The following ANKRD24 variants were observed in gnomAD, a reference collection of about 807,000 sequenced individuals.
ANKRD24 encodes ankyrin repeat domain 24.
ANKRD24 carries 109 observed loss-of-function variants against 127.8 expected under a neutral mutation model. The observed-to-expected ratio is 0.85, with a 90% CI of 0.73 to 1.00. The LOEUF (loss-of-function observed/expected upper bound fraction) is 1.00, where lower values mean the gene tolerates loss of function less well. ANKRD24 is among the 50% of genes least tolerant of loss of function. ANKRD24 has a pLI of 0.00. For synonymous variants in ANKRD24, 743 were observed against 671.1 expected (o/e 1.11, Z -1.66); for missense variants, 1,648 against 1,570.2 (o/e 1.05, Z -0.84).
chr19:4,210,359 G>A lies in ANKRD24; in HGVS notation c.1046G>A (p.Arg349Gln), dbSNP rs12978469. 959,619 of 1,561,852 alleles carry A rather than the reference G, an allele frequency of 0.61. 295,408 individuals carry two copies. Among genetic ancestry groups the A allele is most frequent in the East Asian group, 0.68 (28,430 of 42,034 alleles). ...CGGGGCCTGGAACAGCACAAGGAAC[G>A]GAGGCAGCAGGAGGTTAGGAGGCCT... ...KIRGLEQHKE[R>Q]RQQESPEASS... The change falls in exon 13 of 22, where the codon CGG (arginine) becomes CAG (glutamine). Residue 349 changes from arginine (R) to glutamine (Q), a missense_variant. Coordinates refer to ENST00000318934, the MANE Select transcript of ANKRD24 (RefSeq NM_001393985.1).
intron 7 of ANKRD24, among the ~76,000 whole-genome samples, chr19:4,206,643 G>T (rs1333746266): frequency 2.6e-5 from 4 of 151,874 alleles, no homozygotes; most frequent in Non-Finnish European, 4.4e-5. Flanking sequence ...AAAGTATAGG[G>T]AACCACAGTG....
chr19:4,192,413 G>C (rs981652891), intron 2 of ANKRD24, among the ~76,000 whole-genome samples: 3 of 145,084 alleles, frequency 2.1e-5, no homozygotes, highest in Non-Finnish European at 4.5e-5. Context: ...GTCTTACCAC[G>C]TTGCCCAGGC....
intron 1 of ANKRD24, 121 bp downstream of exon 1, chr19:4,182,861 C>A: frequency 1.9e-6 from 1 of 531,850 alleles, no homozygotes; most frequent in Non-Finnish European, 2.4e-6. Flanking sequence ...CATGTCCCCA[C>A]AACCCCTTTT....
chr19:4,207,288 GGCACAT>G lies in ANKRD24; in HGVS notation c.514_519del (p.Ala172_His173del). 2 of 1,613,746 alleles carry G rather than the reference GGCACAT, an allele frequency of 1.2e-6. No individual in the cohort carries two copies. The highest frequency in any genetic ancestry group is 3.3e-5 in the Admixed American group (2 of 59,986). On this transcript the variant is annotated inframe_deletion, in exon 8 of 22. Coordinates refer to ENST00000318934, the MANE Select transcript of ANKRD24 (RefSeq NM_001393985.1). ...GCTCAGAGGTGCTCTGCTCCTTTAA[GGCACAT>G]CTAAACCCCCAAGATCGGGTAAGCT...
chr19:4,207,455 G>A (rs765903350), intron 8 of ANKRD24, 46 bp from the exon 9 acceptor site: 18 of 1,592,044 alleles, frequency 1.1e-5, no homozygotes, highest in Admixed American at 5.0e-5. Flanking sequence ...TGCACCTCCC[G>A]GGGGTCAGTT....
intron 11 of ANKRD24, 108 bp downstream of exon 11, chr19:4,208,909 T>C: frequency 1.6e-6 from 2 of 1,257,586 alleles, no homozygotes; most frequent in Non-Finnish European, 2.2e-6. Flanking sequence ...TGGGAAAACC[T>C]GTTTGGAAAG....
chr19:4,208,820 T>C lies in ANKRD24; in HGVS notation c.870+19T>C. On this transcript the variant is annotated intron_variant, in intron 11 of 21. Coordinates refer to ENST00000318934, the MANE Select transcript of ANKRD24 (RefSeq NM_001393985.1). ...ATCTCAGGTATGGACCCCTAAGCAG[T>C]GAAGGAGCCCCTCCTCCCTGCATCC... The C allele has an allele frequency of 1.2e-6, 2 of 1,610,162 alleles. No individual in the cohort carries two copies. The highest frequency in any genetic ancestry group is 1.7e-6 in the Non-Finnish European group (2 of 1,177,624).
intron 1 of ANKRD24, chr19:4,183,497 G>A (rs1967860058): frequency 1.5e-5 from 5 of 339,102 alleles, no homozygotes; most frequent in Non-Finnish European, 1.3e-5. Context: ...ACATGGTGTG[G>A]TTGGGGTGCA....
Position 4,205,247 on chromosome 19 carries a change from C to T in ANKRD24, c.467-1995C>T, listed in dbSNP as rs1211197856. Among the ~76,000 whole-genome samples the T allele has an allele frequency of 3.9e-5, 6 of 152,068 alleles. No homozygotes were observed. The East Asian group carries it at 1.2e-3, about 29-fold the overall frequency. On this transcript the variant is annotated intron_variant, in intron 7 of 21. Transcript: ENST00000318934. ...GAGACCCCATCTCAAAAAAACCAACCAACCAACAACAACAACAAACAGTTA... is the reference window on the plus strand; with the variant it reads ...GAGACCCCATCTCAAAAAAACCAACTAACCAACAACAACAACAAACAGTTA...
Position 4,207,783 on chromosome 19 carries a change from C to A in ANKRD24, c.647C>A (p.Thr216Lys). 1 of 1,571,474 alleles carries A rather than the reference C, an allele frequency of 6.4e-7. No homozygotes were observed. ...TCAGTAGCCCCCTCCCCTGGTAGGACGGCCCTGATGCTGGCCTGTGAGGGG... is the reference window on the plus strand; with the variant it reads ...TCAGTAGCCCCCTCCCCTGGTAGGAAGGCCCTGATGCTGGCCTGTGAGGGG... ...AANDQDLQGR[T>K]ALMLACEGAS... The change falls in exon 10 of 22, where the codon ACG (threonine) becomes AAG (lysine). Residue 216 changes from threonine to lysine, a missense_variant and splice_region_variant. By Grantham distance (78) the Thr-to-Lys change is moderately conservative. Transcript: ENST00000318934.
chr19:4,215,890 G>GA, intron 15 of ANKRD24, 88 bp from the exon 16 acceptor site: 1 of 1,068,614 alleles, frequency 9.4e-7, no homozygotes, highest in East Asian at 2.6e-5. Flanking sequence ...ACAGGTATGT[G>GA]AACAGCCCAG....
intron 2 of ANKRD24, among the ~76,000 whole-genome samples, chr19:4,196,847 T>C (rs1968772546): frequency 6.6e-6 from 1 of 152,116 alleles, no homozygotes; most frequent in South Asian, 2.1e-4. Flanking sequence ...GCACCTGCCA[T>C]GGGCCAGGCA....
At chr19:4,211,124 C>T (rs2145351549) in intron 13 of ANKRD24, among the ~76,000 whole-genome samples, 1 of 152,200 alleles carries the variant, frequency 6.6e-6, no homozygotes, top group East Asian at 1.9e-4. Flanking sequence ...TGAGCCACCG[C>T]ACCCGGCCTC....
rs1969179925 is a variant in ANKRD24, at chr19:4,202,988, T to C, written c.466+62T>C. The C allele has an allele frequency of 2.8e-6, 4 of 1,424,260 alleles. No homozygotes were observed. The South Asian group carries it at 5.4e-5, about 19-fold the overall frequency. The allele number at this position is 1,424,260 out of a possible 1,614,324, so 88.2% of individuals were successfully genotyped here. On this transcript the variant is annotated intron_variant, in intron 7 of 21. Transcript: ENST00000318934. ...CAGAGGGTGCTAGACTTGGGGGTTA[T>C]TCTGCCCAGGGCCCTAGGGACCTGA...
At chr19:4,210,395 G>C in intron 13 of ANKRD24, 23 bp downstream of exon 13, 1 of 1,447,814 alleles carries the variant, frequency 6.9e-7, no homozygotes, top group Non-Finnish European at 9.1e-7. Flanking sequence ...CGGAGATTTG[G>C]GCGTGGGCCA....
At chr19:4,194,124 C>A (rs1391474528) in intron 2 of ANKRD24, among the ~76,000 whole-genome samples, 1 of 151,976 alleles carries the variant, frequency 6.6e-6, no homozygotes, top group Non-Finnish European at 1.5e-5. Flanking sequence ...GGCTTGGCCC[C>A]GAAAAAACTT....
In ANKRD24 at chr19:4,224,433, G is replaced by C; in HGVS notation, c.3369G>C (p.Gln1123His). The C allele has an allele frequency of 6.2e-7, 1 of 1,613,410 alleles. No homozygotes were observed. ...RSHLLYAIQG[Q>H]MDEDVQRILS... is the part of the protein sequence containing the mutation. ...CTCTACTCCCCCAACCCTAGGGCCA[G>C]ATGGATGAAGATGTGCAGCGGATTC... The change falls in exon 22 of 22, where the codon CAG becomes CAC. Residue 1123 changes from glutamine to histidine, a missense_variant. Coordinates refer to ENST00000318934, the MANE Select transcript of ANKRD24 (RefSeq NM_001393985.1).
intron 1 of ANKRD24, among the ~76,000 whole-genome samples, chr19:4,185,340 A>T (rs1968001301): frequency 6.6e-6 from 1 of 151,960 alleles, no homozygotes. Flanking sequence ...TACAGTGCTT[A>T]GGTGGGAGGA....
chr19:4,215,098 G>T (rs1162750519), intron 15 of ANKRD24, among the ~76,000 whole-genome samples: 1 of 152,208 alleles, frequency 6.6e-6, no homozygotes, highest in Non-Finnish European at 1.5e-5. Context: ...CCAGGAAGCT[G>T]GGGGATGCTG....
Sources: allele counts gnomAD v4.1 joint callset (sites outside exome capture counted in the v4.1 genomes callset), GRCh38; gene constraint gnomAD v4.1.1; transcripts MANE v1.5; gene names NCBI Gene and HGNC (gene_info 2026-07-23, HGNC 2026-07-21).